The following PAMR1 variants were observed in gnomAD, a reference collection of about 807,000 sequenced individuals.
The protein encoded by PAMR1 is peptidase domain containing associated with muscle regeneration 1.
A neutral mutation model predicts 81.8 loss-of-function variants in PAMR1; 88 were observed. That is an observed-to-expected ratio of 1.08 (90% CI 0.91 to 1.28). The LOEUF (loss-of-function observed/expected upper bound fraction) is 1.28, where lower values mean the gene tolerates loss of function less well. Ranked by LOEUF, PAMR1 falls within the 50% of genes most tolerant of loss-of-function variation. PAMR1 has a pLI of 0.00. For synonymous variants in PAMR1, 336 were observed against 345.3 expected (o/e 0.97, Z 0.30); for missense variants, 935 against 919.7 (o/e 1.02, Z -0.21).
At chr11:35,497,209 T>A (rs1363465028) in intron 1 of PAMR1, among the ~76,000 whole-genome samples, 7 of 151,900 alleles carry the variant, frequency 4.6e-5, no homozygotes, top group Non-Finnish European at 8.8e-5. Context: ...AAATAAAAAA[T>A]GAGGTACGTG....
rs184198222 is a variant in PAMR1 at position 35,516,796 on chromosome 11, A to G, written c.73+8717T>C. Among the ~76,000 whole-genome samples the G allele has an allele frequency of 1.9e-3, 283 of 152,328 alleles. 11 individuals are homozygous for G. The highest frequency in any genetic ancestry group is 0.016 in the Admixed American group (252 of 15,296). On this transcript the variant is annotated intron_variant, in intron 1 of 10. Transcript: ENST00000619888. ...CAAACACAAGAGAATTTTGACCACA[A>G]ATTGGACCACAATTCTTACTTTACA...
intron 6 of PAMR1, among the ~76,000 whole-genome samples, chr11:35,446,446 T>G (rs1387145730): frequency 6.6e-6 from 1 of 152,220 alleles, no homozygotes; most frequent in Non-Finnish European, 1.5e-5. Flanking sequence ...CAATTTGAGA[T>G]CTGTGTAGAT....
chr11:35,471,489 TAAGTA>T (rs1850182712), intron 4 of PAMR1, among the ~76,000 whole-genome samples: 1 of 152,100 alleles, frequency 6.6e-6, no homozygotes, highest in Admixed American at 6.6e-5. Context: ...TTTGCAAGAC[TAAGTA>T]AAGGGGAAAA....
intron 8 of PAMR1, among the ~76,000 whole-genome samples, chr11:35,437,705 C>T (rs1442476516): frequency 1.3e-5 from 2 of 152,236 alleles, no homozygotes; most frequent in Admixed American, 6.5e-5. Context: ...GGCACTTTGC[C>T]ACCTAACCTC....
chr11:35,475,769 G>A (rs1318658393), intron 3 of PAMR1, among the ~76,000 whole-genome samples: 1 of 152,190 alleles, frequency 6.6e-6, no homozygotes, highest in Non-Finnish European at 1.5e-5. Context: ...ATTCATTTAT[G>A]TATTGCCTAT....
At chr11:35,454,886 T>G (rs570117300) in intron 6 of PAMR1, among the ~76,000 whole-genome samples, 3 of 152,258 alleles carry the variant, frequency 2.0e-5, no homozygotes, top group Admixed American at 2.0e-4. Flanking sequence ...CCTGAAAGAA[T>G]TAGGTAGTCT....
intron 6 of PAMR1, among the ~76,000 whole-genome samples, chr11:35,443,678 C>T (rs1351810883): frequency 6.6e-6 from 1 of 152,146 alleles, no homozygotes; most frequent in Non-Finnish European, 1.5e-5. Flanking sequence ...CATACATGTG[C>T]ATGTATCTTT....
intron 6 of PAMR1, among the ~76,000 whole-genome samples, chr11:35,458,421 A>G (rs368859798): frequency 1.3e-5 from 2 of 152,228 alleles, no homozygotes; most frequent in African/African-American, 4.8e-5. Context: ...AAAACTATAC[A>G]TACAAAACAT....
chr11:35,471,267 T>C (rs1282312978), intron 4 of PAMR1, among the ~76,000 whole-genome samples: 7 of 152,166 alleles, frequency 4.6e-5, no homozygotes, highest in Admixed American at 4.6e-4. Context: ...TTTACCTCCT[T>C]GACTTTTTGT....
intron 6 of PAMR1, among the ~76,000 whole-genome samples, chr11:35,457,423 C>G (rs1856558797): frequency 6.6e-6 from 1 of 152,142 alleles, no homozygotes; most frequent in African/African-American, 2.4e-5. Context: ...TTCCTGGTCT[C>G]CAGCTTGTAG....
intron 3 of PAMR1, 48 bp downstream of exon 3, chr11:35,491,997 T>C: frequency 6.5e-7 from 1 of 1,545,758 alleles, no homozygotes; most frequent in Middle Eastern, 1.7e-4. Context: ...AAGCTGAGAC[T>C]TTAAGACAGT....
chr11:35,474,835 A>G, intron 3 of PAMR1, 91 bp from the exon 4 acceptor site: 1 of 783,510 alleles, frequency 1.3e-6, no homozygotes, highest in Non-Finnish European at 2.2e-6. Context: ...AGCACATGCC[A>G]CACCCCTGAG....
intron 6 of PAMR1, among the ~76,000 whole-genome samples, chr11:35,463,038 T>C (rs1856689727): frequency 1.3e-5 from 2 of 152,288 alleles, no homozygotes; most frequent in Middle Eastern, 3.4e-3. Flanking sequence ...TAGCCTGCAG[T>C]ATATGCATCT....
At chr11:35,449,756 A>C (rs77442329) in intron 6 of PAMR1, among the ~76,000 whole-genome samples, 1 of 152,086 alleles carries the variant, frequency 6.6e-6, no homozygotes, top group South Asian at 2.1e-4. Flanking sequence ...GGATCTCCTC[A>C]TCTGTGGGTT....
intron 3 of PAMR1, among the ~76,000 whole-genome samples, chr11:35,483,120 G>A (rs1850431976): frequency 6.6e-6 from 1 of 152,152 alleles, no homozygotes; most frequent in East Asian, 1.9e-4. Flanking sequence ...TTAGGCTGGT[G>A]GGAGAACTGA....
chr11:35,510,466 GC>G, intron 1 of PAMR1, among the ~76,000 whole-genome samples: 1 of 77,572 alleles, frequency 1.3e-5, no homozygotes, highest in Admixed American at 1.5e-4. Flanking sequence ...AACCCTCCCC[GC>G]CCCCACCCCC....
chr11:35,470,408 C>T (rs1382629576), intron 5 of PAMR1, among the ~76,000 whole-genome samples, 193 bp downstream of exon 5: 2 of 152,160 alleles, frequency 1.3e-5, no homozygotes, highest in African/African-American at 4.8e-5. Flanking sequence ...GGAGATCATT[C>T]CTAGTTCTGG....
chr11:35,522,575 T>C (rs1033444284), intron 1 of PAMR1, among the ~76,000 whole-genome samples: 2 of 152,274 alleles, frequency 1.3e-5, no homozygotes, highest in African/African-American at 2.4e-5. Flanking sequence ...AGGTGTATAC[T>C]GTATCTTGTT....
intron 6 of PAMR1, 63 bp from the exon 7 acceptor site, chr11:35,441,756 A>G (rs1162764843): frequency 2.7e-6 from 3 of 1,121,234 alleles, no homozygotes; most frequent in Non-Finnish European, 3.9e-6. Flanking sequence ...TTTAGAATAG[A>G]ATCTTTCATG....
Sources: gnomAD v4.1 joint callset for allele counts (sites outside exome capture counted in the v4.1 genomes callset) on GRCh38, gnomAD v4.1.1 for gene constraint, MANE v1.5 for transcripts, NCBI Gene and HGNC (gene_info 2026-07-23, HGNC 2026-07-21) for gene names.